Variants in DIP2C observed in about 807,000 individuals in gnomAD.
DIP2C encodes the protein disco-interacting protein 2 homolog C.
In DIP2C, 33 loss-of-function variants were observed where a neutral mutation model predicts 192.4. The ratio of observed to expected loss-of-function variants is 0.17; its 90% CI spans 0.13 to 0.23. The LOEUF is 0.23. Ranked by LOEUF, DIP2C falls within the 10% of genes least tolerant of loss-of-function variation. The pLI is 1.00. For synonymous variants in DIP2C, 979 were observed against 864.1 expected, an observed-to-expected ratio of 1.13 and a Z score of -2.33; for missense variants, 1,537 against 2,110.1, an observed-to-expected ratio of 0.73 and a Z score of 5.32.
At chr10:423,379 A>C (rs529554351) in intron 4 of DIP2C, among the ~76,000 whole-genome samples, 2 of 152,184 alleles carry the variant, frequency 1.3e-5, no homozygotes, top group East Asian at 1.9e-4. Flanking sequence ...CGCGTTTCCT[A>C]GGGGATGCTG....
At chr10:526,254 T>C in intron 1 of DIP2C, among the ~76,000 whole-genome samples, 1 of 152,226 alleles carries the variant, frequency 6.6e-6, no homozygotes, top group East Asian at 1.9e-4. Flanking sequence ...TCCAAGTGGC[T>C]GTGGGCAGGG....
At chr10:585,265 T>C (rs1323418725) in intron 1 of DIP2C, among the ~76,000 whole-genome samples, 1 of 152,160 alleles carries the variant, frequency 6.6e-6, no homozygotes, top group Non-Finnish European at 1.5e-5. Context: ...TGTTTTTCTC[T>C]CCCTGGGACA....
intron 8 of DIP2C, among the ~76,000 whole-genome samples, chr10:413,680 G>C (rs958467460): frequency 6.6e-6 from 1 of 152,206 alleles, no homozygotes; most frequent in African/African-American, 2.4e-5. Context: ...GTGGCTGCGC[G>C]AGGGGGTGGG....
chr10:397,347 TAAC>T (rs1368435059), intron 10 of DIP2C, among the ~76,000 whole-genome samples: 4 of 152,004 alleles, frequency 2.6e-5, no homozygotes, highest in African/African-American at 4.8e-5. Context: ...CTGGCCAACG[TAAC>T]AAAACCTCAT....
chr10:302,551 C>T (rs116942727), intron 32 of DIP2C, among the ~76,000 whole-genome samples: 14 of 152,250 alleles, frequency 9.2e-5, no homozygotes, highest in Admixed American at 2.0e-4. Flanking sequence ...ATGTACTTAA[C>T]GACAAGGCAA....
At chr10:580,116 ACAT>A (rs1462933438) in intron 1 of DIP2C, among the ~76,000 whole-genome samples, 3 of 152,186 alleles carry the variant, frequency 2.0e-5, no homozygotes, top group African/African-American at 7.2e-5. Flanking sequence ...CATAGGTATA[ACAT>A]CTATATACAT....
At chr10:607,100 G>A (rs553606591) in intron 1 of DIP2C, among the ~76,000 whole-genome samples, 1 of 152,124 alleles carries the variant, frequency 6.6e-6, no homozygotes, top group South Asian at 2.1e-4. Flanking sequence ...ACGGCACCCT[G>A]CTCACCTCGG....
rs111879912 is a variant in DIP2C at position 398,615 on chromosome 10, G to A, written c.1260+494C>T. On this transcript the variant is annotated intron_variant, in intron 10 of 36. Coordinates refer to ENST00000280886, the MANE Select transcript of DIP2C (RefSeq NM_014974.3). ...AAAATAAAATTCTAAATTGAAACCTGTCTCAAATACTTTTTGATTGACAAC... is the reference window on the plus strand; with the variant it reads ...AAAATAAAATTCTAAATTGAAACCTATCTCAAATACTTTTTGATTGACAAC... 1.4e-3 allele frequency among the ~76,000 whole-genome samples: 206 copies of A among 152,266 alleles called. 1 individual carries two copies. The highest frequency in any genetic ancestry group is 4.6e-3 in the African/African-American group (191 of 41,554).
At chr10:297,007 T>C (rs545301778) in intron 32 of DIP2C, among the ~76,000 whole-genome samples, 1 of 151,580 alleles carries the variant, frequency 6.6e-6, no homozygotes. Flanking sequence ...CTGCACGTTG[T>C]GCACATGTAC....
In DIP2C at chr10:396,258, T is replaced by C. The variant is rs199754649; in HGVS notation, c.1260+2851A>G. On this transcript the variant is annotated intron_variant, in intron 10 of 36. Coordinates refer to ENST00000280886, the MANE Select transcript of DIP2C (RefSeq NM_014974.3). ...TTTCATGGCTGAAATAAATGCCACC[T>C]TGGTATTTGGAGCTATGCCTAGGAT... Among the ~76,000 whole-genome samples, 7 of 152,224 alleles carry C rather than the reference T, an allele frequency of 4.6e-5. No homozygotes were observed. In the East Asian group the frequency reaches 1.2e-3, roughly 25 times the overall value.
At chr10:395,208 AAG>A (rs1357583615) in intron 10 of DIP2C, among the ~76,000 whole-genome samples, 1 of 151,534 alleles carries the variant, frequency 6.6e-6, no homozygotes, top group Admixed American at 6.6e-5. Context: ...AGATTGGAGG[AAG>A]AGGTTTTGAG....
At chr10:479,516 A>C (rs1345179902) in intron 2 of DIP2C, among the ~76,000 whole-genome samples, 1 of 151,832 alleles carries the variant, frequency 6.6e-6, no homozygotes, top group South Asian at 2.1e-4. Context: ...AATATTTTTT[A>C]GTAGAGATGG....
intron 1 of DIP2C, among the ~76,000 whole-genome samples, chr10:640,579 GGGGACGAGGGTGCGTGCC>G (rs1286797370): frequency 1.1e-4 from 17 of 152,194 alleles, no homozygotes; most frequent in African/African-American, 3.1e-4. Context: ...AGACGCGACG[GGGGACGAGGGTGCGTGCC>G]GGGACGAGGG....
Position 565,354 on chromosome 10 carries a change from T to TAAAAAAAAAAAAAAAAAA in DIP2C, c.86-78825_86-78824insTTTTTTTTTTTTTTTTTT, listed in dbSNP as rs59721670. On this transcript the variant is annotated intron_variant, in intron 1 of 36. Transcript: ENST00000280886. ...AAAATATGAAACAGTACCTGCATTC[T>TAAAAAAAAAAAAAAAAAA]AAAAAAAAAAAAAAAAAGACCTAGA... is the stretch of plus-strand genomic sequence containing the variant. 7.9e-4 allele frequency among the ~76,000 whole-genome samples: 90 copies of TAAAAAAAAAAAAAAAAAA among 114,038 alleles called. 1 individual carries two copies. The highest frequency in any genetic ancestry group is 2.0e-3 in the African/African-American group (54 of 26,642). 74.8% of individuals were successfully genotyped at this position (114,038 alleles called of 152,430 possible).
At chr10:534,056 C>T (rs952002037) in intron 1 of DIP2C, among the ~76,000 whole-genome samples, 1 of 152,206 alleles carries the variant, frequency 6.6e-6, no homozygotes, top group Admixed American at 6.5e-5. Context: ...AGCCCACGCC[C>T]CCTTCTGCAG....
intron 13 of DIP2C, among the ~76,000 whole-genome samples, chr10:389,277 G>A (rs1361534552): frequency 6.6e-6 from 1 of 152,104 alleles, no homozygotes; most frequent in African/African-American, 2.4e-5. Flanking sequence ...GGTTTCAGGG[G>A]ATATCAGCAG....
intron 1 of DIP2C, among the ~76,000 whole-genome samples, chr10:640,663 G>A (rs1414652171): frequency 7.0e-6 from 1 of 142,386 alleles, no homozygotes; most frequent in Non-Finnish European, 1.5e-5. Context: ...GGAAGAGGGT[G>A]CGCGCGGGGA....
chr10:311,712 A>C (rs1206285184), intron 31 of DIP2C: 1 of 559,362 alleles, frequency 1.8e-6, no homozygotes, highest in African/African-American at 1.9e-5. Context: ...GAATGCGAAA[A>C]GCAGGAAACA....
chr10:418,642 C>T (rs761530912), intron 6 of DIP2C, among the ~76,000 whole-genome samples: 3 of 152,178 alleles, frequency 2.0e-5, no homozygotes, highest in African/African-American at 4.8e-5. Context: ...CTCTTTCCTC[C>T]AAAGTCTAAA....
Sources: allele counts gnomAD v4.1 joint callset (sites outside exome capture counted in the v4.1 genomes callset), GRCh38; gene constraint gnomAD v4.1.1; transcripts MANE v1.5; gene names NCBI Gene and HGNC (gene_info 2026-07-23, HGNC 2026-07-21).